The following AHSG variants were observed in gnomAD, a reference collection of about 807,000 sequenced individuals.
AHSG encodes alpha 2-HS glycoprotein, also known as alpha-2-HS-glycoprotein.
In AHSG, 23 loss-of-function variants were observed where a neutral mutation model predicts 30.1. The observed-to-expected ratio is 0.76, with a 90% CI of 0.55 to 1.08. The LOEUF (loss-of-function observed/expected upper bound fraction) is 1.08. AHSG is among the 50% of genes least tolerant of loss of function. AHSG has a pLI of 0.00. For synonymous variants in AHSG, 164 were observed against 186.3 expected (o/e 0.88, Z 0.98); for missense variants, 469 against 459.5 (o/e 1.02, Z -0.19).
At chr3:186,614,869 G>A (rs1716248840) in intron 1 of AHSG, among the ~76,000 whole-genome samples, 1 of 152,154 alleles carries the variant, frequency 6.6e-6, no homozygotes, top group African/African-American at 2.4e-5. Context: ...GGGCTGAGAG[G>A]AGAAAAGGCA....
chr3:186,619,169 C>A (rs920958284), intron 5 of AHSG, among the ~76,000 whole-genome samples: 1 of 151,966 alleles, frequency 6.6e-6, no homozygotes, highest in African/African-American at 2.4e-5. Flanking sequence ...TGGTGGTGAG[C>A]GCCTGTAGTC....
In AHSG at chr3:186,619,960, T is replaced by C. The variant is rs200581915; in HGVS notation, c.759+20T>C. ...ACACAGGTAACAGCTCCGTGAATAT[T>C]CTTGCCTACACCTTCAGAATACAAT... On this transcript the variant is annotated intron_variant, in intron 6 of 6. Transcript: ENST00000411641. The C allele has an allele frequency of 8.2e-6, 13 of 1,587,442 alleles. No homozygotes were observed. The East Asian group carries it at 2.5e-4, about 30-fold the overall frequency.
Position 186,617,321 on chromosome 3 carries a change from C to T in AHSG, c.544C>T (p.Leu182=). 1 of 1,614,188 alleles carries T rather than the reference C, an allele frequency of 6.2e-7. No individual in the cohort carries two copies. Among genetic ancestry groups the T allele is most frequent in the Non-Finnish European group, 8.5e-7 (1 of 1,180,038 alleles). ...TCAGAACAACGGCTCCAATTTTCAG[C>T]TGGAGGAAATTTCCCGGGCTCAGCT... The part of the protein sequence containing the change: ...NAQNNGSNFQ[L]EEISRAQLVP... Residue 182 remains leucine, a synonymous_variant, in exon 4 of 7, where the codon CTG becomes TTG. Coordinates refer to ENST00000411641, the MANE Select transcript of AHSG (RefSeq NM_001622.4).
rs907200016 is a variant in AHSG at position 186,613,481 on chromosome 3, G to A, written c.213+127G>A. 9.7e-6 allele frequency: 9 copies of A among 923,690 alleles called. No individual in the cohort carries two copies. In the African/African-American group the frequency reaches 1.5e-4, roughly 16 times the overall value. 57.2% of individuals were successfully genotyped at this position (923,690 alleles called of 1,614,324 possible). On this transcript the variant is annotated intron_variant, in intron 1 of 6. Transcript: ENST00000411641. ...GAGTAAATTCTCTGATTTCTTCCCA[G>A]GAGTGAGGGAAGGGGCAGGCAGAGG...
intron 4 of AHSG, chr3:186,617,969 C>A: frequency 6.3e-6 from 1 of 158,698 alleles, no homozygotes; most frequent in Non-Finnish European, 1.4e-5. Flanking sequence ...ATGTGATTCT[C>A]AGAACATCCC....
chr3:186,617,340 C>T lies in AHSG; in HGVS notation c.563C>T (p.Ala188Val), dbSNP rs1231354664. ...TTTCAGCTGGAGGAAATTTCCCGGG[C>T]TCAGCTTGTGGTAAAGACTGAGATT... Reference protein sequence around the residue: ...SNFQLEEISRAQLVPLPPSTY... With the variant: ...SNFQLEEISRVQLVPLPPSTY... The change falls in exon 4 of 7, where the codon GCT (alanine) becomes GTT (valine). Residue 188 changes from alanine (A) to valine (V), a missense_variant. Physicochemically the swap from Ala to Val is moderately conservative, Grantham distance 64. Transcript: ENST00000411641. 1 of 1,614,194 alleles carries T rather than the reference C, an allele frequency of 6.2e-7. No homozygotes were observed.
At chr3:186,618,665 A>G in intron 5 of AHSG, 28 bp downstream of exon 5, 2 of 1,611,504 alleles carry the variant, frequency 1.2e-6, no homozygotes, top group Non-Finnish European at 1.7e-6. Context: ...TTGGGGTGTT[A>G]CCACTCGGAC....
intron 4 of AHSG, 76 bp downstream of exon 4, chr3:186,617,426 G>C (rs2108501771): frequency 6.2e-7 from 1 of 1,612,230 alleles, no homozygotes; most frequent in African/African-American, 1.3e-5. Context: ...GGTGGAGCGG[G>C]AGGCAGGGAA....
intron 2 of AHSG, among the ~76,000 whole-genome samples, chr3:186,616,211 T>C (rs1485276098): frequency 1.3e-5 from 2 of 152,146 alleles, no homozygotes; most frequent in African/African-American, 4.8e-5. Flanking sequence ...ATAATAATAA[T>C]AATAATCATC....
intron 4 of AHSG, 132 bp downstream of exon 4, chr3:186,617,482 T>G (rs768878736): frequency 4.1e-5 from 63 of 1,518,926 alleles, no homozygotes; most frequent in Non-Finnish European, 5.6e-5. Context: ...GAGGGTTGTT[T>G]GGAAAGGGAA....
Position 186,617,316 on chromosome 3 carries a change from T to G in AHSG, c.539T>G (p.Phe180Cys). Reference sequence around the variant, plus strand: ...AACGCTCAGAACAACGGCTCCAATTTTCAGCTGGAGGAAATTTCCCGGGCT... The same window carrying G: ...AACGCTCAGAACAACGGCTCCAATTGTCAGCTGGAGGAAATTTCCCGGGCT... Reference protein sequence around the residue: ...AFNAQNNGSNFQLEEISRAQL... With the variant: ...AFNAQNNGSNCQLEEISRAQL... Residue 180 changes from phenylalanine to cysteine, a missense_variant, in exon 4 of 7, where the codon TTT becomes TGT. Coordinates refer to ENST00000411641, the MANE Select transcript of AHSG (RefSeq NM_001622.4). The G allele has an allele frequency of 6.2e-7, 1 of 1,614,172 alleles. No individual in the cohort carries two copies. Among genetic ancestry groups the G allele is most frequent in the East Asian group, 2.2e-5 (1 of 44,882 alleles).
At chr3:186,618,744 T>G in intron 5 of AHSG, 107 bp downstream of exon 5, 1 of 1,488,910 alleles carries the variant, frequency 6.7e-7, no homozygotes. Context: ...AGAATAACAG[T>G]GCAAATCCCC....
chr3:186,620,453 C>A, intron 6 of AHSG, 133 bp from the exon 7 acceptor site: 1 of 818,320 alleles, frequency 1.2e-6, no homozygotes, highest in Non-Finnish European at 2.0e-6. Context: ...TGGGTAGGTC[C>A]TTTCTTGCTA....
chr3:186,620,043 T>G lies in AHSG; in HGVS notation c.759+103T>G, dbSNP rs1216842383. On this transcript the variant is annotated intron_variant, in intron 6 of 6. Transcript: ENST00000411641. ...TGACAGGACATTTGCTCTCCTGTGC[T>G]TCTGAATCTCACAGTATGAAATAAC... 3.9e-6 allele frequency: 3 copies of G among 777,388 alleles called. No individual in the cohort carries two copies. The African/African-American group carries it at 5.2e-5, about 14-fold the overall frequency. 48.2% of individuals were successfully genotyped at this position (777,388 alleles called of 1,614,324 possible).
At chr3:186,620,057 G>A in intron 6 of AHSG, 117 bp downstream of exon 6, 1 of 695,928 alleles carries the variant, frequency 1.4e-6, no homozygotes, top group Non-Finnish European at 2.3e-6. Flanking sequence ...GAATCTCACA[G>A]TATGAAATAA....
At chr3:186,615,918 G>T in intron 2 of AHSG, 123 bp downstream of exon 2, 1 of 818,038 alleles carries the variant, frequency 1.2e-6, no homozygotes, top group South Asian at 1.6e-5. Flanking sequence ...ATTTGTGGCC[G>T]AGCGCAGTGG....
Position 186,620,602 on chromosome 3 carries a change from C to G in AHSG, c.776C>G (p.Pro259Arg). The G allele has an allele frequency of 1.2e-6, 2 of 1,603,220 alleles. No individual in the cohort carries two copies. The highest frequency in any genetic ancestry group is 2.2e-5 in the East Asian group (1 of 44,572). The change falls in exon 7 of 7, where the codon CCC (proline) becomes CGC (arginine). Residue 259 changes from proline to arginine, a missense_variant. By Grantham distance (103) the Pro-to-Arg change is moderately radical (BLOSUM62 -2). Coordinates refer to ENST00000411641, the MANE Select transcript of AHSG (RefSeq NM_001622.4). Reference protein sequence around the residue: ...VFQTQPVSSQPQPEGANEAVP... With the variant: ...VFQTQPVSSQRQPEGANEAVP... ...TTTTTCCAGCCCGTGAGCTCACAGC[C>G]CCAACCAGAAGGTGCCAATGAAGCA... is the stretch of plus-strand genomic sequence containing the variant.
chr3:186,615,030 T>C (rs1716254858), intron 1 of AHSG, among the ~76,000 whole-genome samples: 1 of 152,126 alleles, frequency 6.6e-6, no homozygotes, highest in Non-Finnish European at 1.5e-5. Flanking sequence ...CCCTTCCCCA[T>C]TATCGCCAGC....
At position 186,615,693 on chromosome 3, in the gene AHSG, C is replaced by T. The variant is rs1716278157; in HGVS notation, c.222C>T (p.Ser74=). Residue 74 remains serine (S), a synonymous_variant, in exon 2 of 7, where the codon TCC becomes TCT. Transcript: ENST00000411641. The part of the protein sequence containing the change: ...DEVKVWPQQP[S]GELFEIEIDT... ...ACTCTTTGTCTCCACAGCAGCCCTC[C>T]GGAGAGCTGTTTGAGATTGAAATAG... 1.9e-6 allele frequency: 3 copies of T among 1,613,874 alleles called. No homozygotes were observed. The highest frequency in any genetic ancestry group is 2.7e-5 in the African/African-American group (2 of 74,928).
Sources: gnomAD v4.1 joint callset for allele counts (sites outside exome capture counted in the v4.1 genomes callset) on GRCh38, gnomAD v4.1.1 for gene constraint, MANE v1.5 for transcripts, NCBI Gene and HGNC (gene_info 2026-07-23, HGNC 2026-07-21) for gene names.